The following FHIT variants were observed in gnomAD, a reference collection of about 807,000 sequenced individuals.
FHIT encodes the protein fragile histidine triad diadenosine triphosphatase.
In FHIT, 19 loss-of-function variants were observed where a neutral mutation model predicts 17.9. The ratio of observed to expected loss-of-function variants is 1.06; its 90% CI spans 0.74 to 1.56. The LOEUF is 1.56. Among genes scored for constraint, FHIT ranks in the 40% most tolerant of loss-of-function variants. FHIT has a pLI of 0.00. For missense variants in FHIT, 248 were observed against 189.2 expected, an observed-to-expected ratio of 1.31 and a Z score of -1.82; for synonymous variants, 81 against 69.7, an observed-to-expected ratio of 1.16 and a Z score of -0.81.
chr3:61,073,442 C>T (rs72877834), intron 2 of FHIT, among the ~76,000 whole-genome samples: 1,549 of 152,326 alleles, frequency 0.01, 23 homozygotes, highest in African/African-American at 0.034. Context: ...CCATATTCTT[C>T]TGCGTCTGAT....
intron 8 of FHIT, among the ~76,000 whole-genome samples, chr3:59,860,446 A>G (rs1239658925): frequency 6.6e-6 from 1 of 152,240 alleles, no homozygotes; most frequent in Admixed American, 6.5e-5. Context: ...CTTGTAGGGA[A>G]AAGAAGGATG....
chr3:60,205,974 A>C (rs1703154347), intron 5 of FHIT, among the ~76,000 whole-genome samples: 2 of 150,900 alleles, frequency 1.3e-5, no homozygotes, highest in Non-Finnish European at 3.0e-5. Context: ...AAAATAAAAA[A>C]ATAAAAAAAT....
At chr3:60,272,663 G>A (rs1394251821) in intron 5 of FHIT, among the ~76,000 whole-genome samples, 1 of 152,200 alleles carries the variant, frequency 6.6e-6, no homozygotes, top group Non-Finnish European at 1.5e-5. Flanking sequence ...GGCCACTTCT[G>A]TACAAACTGA....
chr3:60,196,835 A>G (rs1702665256), intron 5 of FHIT, among the ~76,000 whole-genome samples: 1 of 152,022 alleles, frequency 6.6e-6, no homozygotes. Context: ...TTGTAAAAAA[A>G]AAAATCAAGC....
At chr3:60,699,801 A>AAAATGCTACAGAT (rs138987576) in intron 4 of FHIT, among the ~76,000 whole-genome samples, 1 of 151,664 alleles carries the variant, frequency 6.6e-6, no homozygotes, top group African/African-American at 2.4e-5. Context: ...ACAATGAGAA[A>AAAATGCTACAGAT]AATCATTTTA....
chr3:61,144,999 C>T (rs2037186748), intron 2 of FHIT, among the ~76,000 whole-genome samples: 1 of 152,156 alleles, frequency 6.6e-6, no homozygotes, highest in Admixed American at 6.5e-5. Flanking sequence ...TATCTTTTTA[C>T]TTTTGTGATG....
At chr3:60,987,303 G>T (rs150125242) in intron 3 of FHIT, among the ~76,000 whole-genome samples, 308 of 152,300 alleles carry the variant, frequency 2.0e-3, no homozygotes, top group African/African-American at 6.9e-3. Context: ...GTTCATAATG[G>T]CCCTAACACC....
intron 5 of FHIT, among the ~76,000 whole-genome samples, chr3:60,030,395 A>G (rs1220642264): frequency 6.6e-6 from 1 of 152,116 alleles, no homozygotes; most frequent in Non-Finnish European, 1.5e-5. Context: ...GCTCTTTAAA[A>G]ACAGAGGCCA....
chr3:60,330,426 C>CA (rs1576486158), intron 5 of FHIT, among the ~76,000 whole-genome samples: 2 of 152,178 alleles, frequency 1.3e-5, no homozygotes, highest in African/African-American at 4.8e-5. Context: ...CCGGTGGAGA[C>CA]AACCACCGGT....
intron 4 of FHIT, among the ~76,000 whole-genome samples, chr3:60,573,424 C>T (rs191442566): frequency 1.3e-5 from 2 of 152,264 alleles, no homozygotes; most frequent in East Asian, 3.9e-4. Context: ...CTTGGATCTC[C>T]AAACTAAAAA....
intron 7 of FHIT, among the ~76,000 whole-genome samples, chr3:60,002,930 C>A (rs775819022): frequency 6.6e-6 from 1 of 152,136 alleles, no homozygotes; most frequent in South Asian, 2.1e-4. Context: ...TCAGAATCAA[C>A]TGTGGACCTT....
chr3:61,136,339 C>G (rs1480682507), intron 2 of FHIT, among the ~76,000 whole-genome samples: 1 of 152,026 alleles, frequency 6.6e-6, no homozygotes, highest in Admixed American at 6.6e-5. Context: ...TTGCCACAAC[C>G]AAGATAATGT....
At chr3:60,443,660 C>T (rs1576663677) in intron 5 of FHIT, among the ~76,000 whole-genome samples, 1 of 152,062 alleles carries the variant, frequency 6.6e-6, no homozygotes, top group African/African-American at 2.4e-5. Flanking sequence ...TGATGTGCTG[C>T]TGGATTCAGT....
At chr3:60,340,307 T>C (rs536091487) in intron 5 of FHIT, among the ~76,000 whole-genome samples, 33 of 152,284 alleles carry the variant, frequency 2.2e-4, no homozygotes, top group Admixed American at 7.2e-4. Flanking sequence ...AAGAAAAACA[T>C]ATGGCTTTCT....
intron 1 of FHIT, among the ~76,000 whole-genome samples, chr3:61,203,640 G>A (rs1326275608): frequency 6.6e-6 from 1 of 152,094 alleles, no homozygotes; most frequent in African/African-American, 2.4e-5. Flanking sequence ...TAATTATTAA[G>A]CTCTACTTGT....
chr3:59,758,752 A>G (rs950474353), intron 8 of FHIT, among the ~76,000 whole-genome samples: 1 of 152,230 alleles, frequency 6.6e-6, no homozygotes, highest in African/African-American at 2.4e-5. Flanking sequence ...TAAACATAAA[A>G]GAATCAATTT....
intron 5 of FHIT, among the ~76,000 whole-genome samples, chr3:60,308,192 C>A (rs1048228788): frequency 6.6e-6 from 1 of 152,084 alleles, no homozygotes; most frequent in Non-Finnish European, 1.5e-5. Flanking sequence ...TTACTATAAC[C>A]TTGGCCAAGT....
Position 60,027,135 on chromosome 3 carries a change from ACACACACAC to A in FHIT, c.104-12992_104-12984del, listed in dbSNP as rs1700779052. On this transcript the variant is annotated intron_variant, in intron 5 of 9. Coordinates refer to ENST00000492590, the MANE Select transcript of FHIT (RefSeq NM_002012.4). ...CACACACACACACACACACACACAC[ACACACACAC>A]ACACAAAATTAGTAAACCCAATAAT... Among the ~76,000 whole-genome samples, 11 of 127,696 alleles carry A rather than the reference ACACACACAC, an allele frequency of 8.6e-5. 1 individual carries two copies. Among genetic ancestry groups the A allele is most frequent in the South Asian group, 2.7e-4 (1 of 3,728 alleles). 83.8% of individuals were successfully genotyped at this position (127,696 alleles called of 152,430 possible). A position where few individuals can be genotyped will look rare whatever the true frequency, so the allele number is the denominator to read the frequency against.
At chr3:60,394,441 A>C (rs1701355290) in intron 5 of FHIT, among the ~76,000 whole-genome samples, 1 of 152,146 alleles carries the variant, frequency 6.6e-6, no homozygotes, top group Non-Finnish European at 1.5e-5. Context: ...CAACATGCCC[A>C]AAATCAAAAG....
Sources: allele counts gnomAD v4.1 joint callset (sites outside exome capture counted in the v4.1 genomes callset), GRCh38; gene constraint gnomAD v4.1.1; transcripts MANE v1.5; gene names NCBI Gene and HGNC (gene_info 2026-07-23, HGNC 2026-07-21).